Variants in UGT1A5 observed in about 807,000 individuals in gnomAD.
The protein encoded by UGT1A5 is UDP-glucuronosyltransferase 1A5.
In UGT1A5, 29 loss-of-function variants were observed where a neutral mutation model predicts 40.3. The ratio of observed to expected loss-of-function variants is 0.72; its 90% CI spans 0.54 to 0.98. UGT1A5 has a LOEUF of 0.98. Among genes scored for constraint, UGT1A5 ranks in the 50% least tolerant of loss-of-function variants. The probability of loss-of-function intolerance (pLI) is 0.00; values close to 1 mark genes in which losing one functional copy is unlikely to be tolerated. For synonymous variants in UGT1A5, 257 were observed against 262.5 expected (o/e 0.98, Z 0.20); for missense variants, 678 against 677.9 (o/e 1.00, Z 0.00).
chr2:233,756,514 G>A (rs1394281486), intron 1 of UGT1A5, among the ~76,000 whole-genome samples: 1 of 152,030 alleles, frequency 6.6e-6, no homozygotes, highest in African/African-American at 2.4e-5. Context: ...AGGGTCAAAT[G>A]TGCATGTTAT....
intron 1 of UGT1A5, among the ~76,000 whole-genome samples, chr2:233,741,294 T>C (rs954332893): frequency 1.3e-5 from 2 of 151,798 alleles, no homozygotes; most frequent in African/African-American, 4.9e-5. Context: ...ATGTACCCAA[T>C]TGTGTAGATA....
Position 233,768,285 on chromosome 2 carries a change from A to G in UGT1A5, c.1153A>G (p.Asn385Asp), listed in dbSNP as rs777289979. 6 of 1,614,202 alleles carry G rather than the reference A, an allele frequency of 3.7e-6. No individual in the cohort carries two copies. In the South Asian group the frequency reaches 6.6e-5, roughly 18 times the overall value. ...GSHGVYESIC[N>D]GVPMVMMPLF... is the part of the protein sequence containing the mutation. ...CCATGGTGTTTATGAAAGCATATGC[A>G]ATGGCGTTCCCATGGTGATGATGCC... Residue 385 changes from asparagine to aspartate, a missense_variant, in exon 4 of 5, where the codon AAT becomes GAT. By Grantham distance (23) the Asn-to-Asp change is conservative. Coordinates refer to ENST00000373414, the MANE Select transcript of UGT1A5 (RefSeq NM_019078.2).
At chr2:233,723,643 A>G in intron 1 of UGT1A5, among the ~76,000 whole-genome samples, 1 of 102,338 alleles carries the variant, frequency 9.8e-6, no homozygotes, top group Non-Finnish European at 1.9e-5. Context: ...AAGTGAACAA[A>G]GGTCTCTGGT....
intron 1 of UGT1A5, among the ~76,000 whole-genome samples, chr2:233,731,288 T>C (rs1332920122): frequency 3.9e-5 from 6 of 151,912 alleles, no homozygotes; most frequent in Non-Finnish European, 5.9e-5. Context: ...TTCTTTCTTT[T>C]TTTTTTTTTT....
intron 1 of UGT1A5, among the ~76,000 whole-genome samples, chr2:233,728,134 C>T (rs1335852512): frequency 1.3e-5 from 2 of 152,184 alleles, no homozygotes; most frequent in Non-Finnish European, 2.9e-5. Flanking sequence ...GACTAGGGCC[C>T]CCACAAATTG....
intron 2 of UGT1A5, 29 bp downstream of exon 2, chr2:233,767,194 A>C (rs746011204): frequency 1.9e-6 from 3 of 1,613,774 alleles, no homozygotes; most frequent in Non-Finnish European, 2.5e-6. Flanking sequence ...ATGGCCTCAT[A>C]TCTATTTTCA....
At chr2:233,755,060 C>G (rs747080554) in intron 1 of UGT1A5, 1 of 1,334,970 alleles carries the variant, frequency 7.5e-7, no homozygotes, top group South Asian at 1.1e-5. Context: ...CCGCCCTCGC[C>G]TCGCCATAGC....
intron 1 of UGT1A5, among the ~76,000 whole-genome samples, chr2:233,745,761 A>G (rs1420009294): frequency 2.7e-5 from 4 of 149,168 alleles, no homozygotes; most frequent in African/African-American, 1.0e-4. Flanking sequence ...GAAGGGGTGG[A>G]GAGGAGGAAT....
intron 1 of UGT1A5, chr2:233,748,039 T>A: frequency 1.2e-6 from 2 of 1,613,500 alleles, no homozygotes; most frequent in South Asian, 1.1e-5. Flanking sequence ...ATGGTCTTCA[T>A]TGGGGGCATC....
intron 1 of UGT1A5, among the ~76,000 whole-genome samples, chr2:233,746,138 G>C (rs1315448671): frequency 6.6e-6 from 1 of 151,886 alleles, no homozygotes; most frequent in African/African-American, 2.4e-5. Context: ...ACTGGCACCT[G>C]AGTGATAGCA....
intron 1 of UGT1A5, among the ~76,000 whole-genome samples, chr2:233,739,521 C>G (rs937705883): frequency 6.6e-6 from 1 of 152,212 alleles, no homozygotes; most frequent in Non-Finnish European, 1.5e-5. Context: ...GACATGAAGT[C>G]AAGGGAGATT....
At chr2:233,743,749 C>G (rs937168653) in intron 1 of UGT1A5, 24 of 1,367,282 alleles carry the variant, frequency 1.8e-5, no homozygotes, top group Non-Finnish European at 2.3e-5. Context: ...TGGCGTCCGA[C>G]AACACCTCGT....
chr2:233,756,919 A>G (rs1444597051), intron 1 of UGT1A5, among the ~76,000 whole-genome samples: 2 of 152,130 alleles, frequency 1.3e-5, no homozygotes. Flanking sequence ...CTGAGTTTAT[A>G]TAACCTCTAG....
At chr2:233,764,935 G>T (rs1212843122) in intron 1 of UGT1A5, among the ~76,000 whole-genome samples, 1 of 152,204 alleles carries the variant, frequency 6.6e-6, no homozygotes, top group Non-Finnish European at 1.5e-5. Context: ...GGGCTGGTGA[G>T]AGTGGCGGGG....
chr2:233,769,675 G>A lies in UGT1A5; in HGVS notation c.1307+1236G>A, dbSNP rs1044597905. 16 of 1,578,848 alleles carry A rather than the reference G, an allele frequency of 1.0e-5. No homozygotes were observed. The highest frequency in any genetic ancestry group is 1.4e-5 in the Non-Finnish European group (16 of 1,162,352). ...CTTCCCACCTTTGAGGTGCTAATGT[G>A]TGTGTGGTGGCACTGGATAAAAGAT... On this transcript the variant is annotated intron_variant, in intron 4 of 4. Coordinates refer to ENST00000373414, the MANE Select transcript of UGT1A5 (RefSeq NM_019078.2). The surrounding 1 kb of genome is among the most constrained non-coding windows in gnomAD (Gnocchi z 4.4).
intron 1 of UGT1A5, chr2:233,744,035 C>T (rs367793428): frequency 5.3e-5 from 42 of 799,694 alleles, no homozygotes; most frequent in Admixed American, 1.0e-4. Flanking sequence ...CCCCTTATGA[C>T]GCAGCCACAT....
chr2:233,765,595 AG>A (rs1698878767), intron 1 of UGT1A5, among the ~76,000 whole-genome samples: 1 of 152,004 alleles, frequency 6.6e-6, no homozygotes, highest in South Asian at 2.1e-4. Flanking sequence ...AACACACACC[AG>A]GGCTTGTGGC....
At chr2:233,725,835 C>T (rs141517259) in intron 1 of UGT1A5, among the ~76,000 whole-genome samples, 2 of 152,170 alleles carry the variant, frequency 1.3e-5, no homozygotes, top group African/African-American at 4.8e-5. Flanking sequence ...ATTGCTACTC[C>T]TATGTTATTT....
chr2:233,719,349 C>T (rs2076756865), intron 1 of UGT1A5: 2 of 1,613,758 alleles, frequency 1.2e-6, no homozygotes, highest in Admixed American at 1.7e-5. Context: ...GAGGTACATT[C>T]CATGTGACTT....
Sources: gnomAD v4.1 joint callset for allele counts (sites outside exome capture counted in the v4.1 genomes callset) on GRCh38, gnomAD v4.1.1 for gene constraint, Gnocchi (gnomAD v3.1) non-coding constraint, MANE v1.5 for transcripts, NCBI Gene and HGNC (gene_info 2026-07-23, HGNC 2026-07-21) for gene names.